Variants in TNKS observed in about 807,000 individuals in gnomAD.
TNKS encodes the protein tankyrase.
A neutral mutation model predicts 135.8 loss-of-function variants in TNKS; 72 were observed. That is an observed-to-expected ratio of 0.53 (90% confidence interval 0.44 to 0.64). The LOEUF is 0.64. TNKS is among the 30% of genes least tolerant of loss of function. The pLI, the probability that TNKS is intolerant of heterozygous loss-of-function variation, is 0.00. For missense variants in TNKS, 1,769 were observed against 1,674.0 expected, an observed-to-expected ratio of 1.06 and a Z score of -0.99; for synonymous variants, 849 against 649.3, an observed-to-expected ratio of 1.31 and a Z score of -4.68.
chr8:9,567,126 CTT>C (rs1407477579), intron 1 of TNKS, among the ~76,000 whole-genome samples: 2 of 152,206 alleles, frequency 1.3e-5, no homozygotes, highest in African/African-American at 2.4e-5. Flanking sequence ...ATAAACGTAA[CTT>C]TACAAATTTT....
At chr8:9,691,945 A>G (rs1803295501) in intron 5 of TNKS, among the ~76,000 whole-genome samples, 1 of 152,168 alleles carries the variant, frequency 6.6e-6, no homozygotes, top group Admixed American at 6.5e-5. Flanking sequence ...CAGCTAATGA[A>G]TTATTGTTGT....
intron 20 of TNKS, among the ~76,000 whole-genome samples, chr8:9,758,067 C>G (rs116011381): frequency 8.7e-4 from 132 of 152,268 alleles, no homozygotes; most frequent in African/African-American, 3.1e-3. Flanking sequence ...CATCTCAGCT[C>G]TTCTGTGTAC....
At chr8:9,772,114 G>T (rs1342183373) in intron 26 of TNKS, among the ~76,000 whole-genome samples, 3 of 147,896 alleles carry the variant, frequency 2.0e-5, no homozygotes, top group African/African-American at 7.5e-5. Context: ...GGAAGGACGG[G>T]TGGAGGGAGG....
intron 12 of TNKS, among the ~76,000 whole-genome samples, chr8:9,724,144 G>C (rs1205915257): frequency 6.6e-6 from 1 of 152,254 alleles, no homozygotes; most frequent in East Asian, 1.9e-4. Context: ...TTGATTCTAG[G>C]TGACTATAAT....
chr8:9,608,130 C>T (rs1264569522), intron 2 of TNKS, among the ~76,000 whole-genome samples: 1 of 151,940 alleles, frequency 6.6e-6, no homozygotes. Context: ...TTGAAAAGTC[C>T]AGGTCTCCCT....
At chr8:9,664,448 G>A (rs1315214474) in intron 3 of TNKS, among the ~76,000 whole-genome samples, 14 of 152,132 alleles carry the variant, frequency 9.2e-5, no homozygotes, top group Admixed American at 9.2e-4. Context: ...CCTCTTACTA[G>A]GTCCCACCTC....
intron 3 of TNKS, among the ~76,000 whole-genome samples, chr8:9,657,300 C>T (rs1171581358): frequency 2.5e-4 from 16 of 63,236 alleles, no homozygotes; most frequent in Non-Finnish European, 3.9e-4. Context: ...GGCGGGGGGC[C>T]GACCCCCCCA....
chr8:9,752,434 G>A lies in TNKS; in HGVS notation c.3071-110G>A, dbSNP rs1806593477. The A allele has an allele frequency of 2.1e-5, 15 of 724,216 alleles. No homozygotes were observed. In the South Asian group the frequency reaches 2.6e-4, roughly 13 times the overall value. The allele number at this position is 724,216 out of a possible 1,614,324, so 44.9% of individuals were successfully genotyped here. ...GTATTCTGTATTATTTTATGCCATG[G>A]AAAATCATCTGACAGCCAAGGTTGT... On this transcript the variant is annotated intron_variant, in intron 19 of 26. Transcript: ENST00000310430.
At chr8:9,590,015 G>T (rs1472791345) in intron 2 of TNKS, among the ~76,000 whole-genome samples, 1 of 152,190 alleles carries the variant, frequency 6.6e-6, no homozygotes, top group Admixed American at 6.5e-5. Flanking sequence ...AGATAAGATT[G>T]CTAAGAATTT....
intron 3 of TNKS, among the ~76,000 whole-genome samples, chr8:9,625,443 T>C (rs890725293): frequency 9.2e-5 from 14 of 152,096 alleles, no homozygotes; most frequent in Admixed American, 6.5e-4. Flanking sequence ...GGGCTCATTT[T>C]GCTCTTTTTC....
At chr8:9,723,803 G>C (rs193041838) in intron 12 of TNKS, among the ~76,000 whole-genome samples, 97 of 152,284 alleles carry the variant, frequency 6.4e-4, no homozygotes, top group African/African-American at 2.2e-3. Context: ...TAGCACCACA[G>C]ACAGTTCTTT....
chr8:9,602,766 T>A (rs1399718879), intron 2 of TNKS, among the ~76,000 whole-genome samples: 1 of 152,246 alleles, frequency 6.6e-6, no homozygotes, highest in Non-Finnish European at 1.5e-5. Context: ...ACCAACTTAA[T>A]AATGTTTCAT....
At position 9,708,484 on chromosome 8, in the gene TNKS, A is replaced by G; in HGVS notation, c.1570A>G (p.Thr524Ala). The part of the protein sequence containing the change: ...INFKQPQSHE[T>A]ALHCAVASLH... ...TTTCAAACAACCGCAGTCTCATGAA[A>G]CAGCACTGGTAAGATTTTATTGTTA... The change falls in exon 9 of 27, where the codon ACA (threonine) becomes GCA (alanine). Residue 524 changes from threonine (T) to alanine (A), a missense_variant. Thr to Ala is a moderately conservative substitution (Grantham distance 58). Coordinates refer to ENST00000310430, the MANE Select transcript of TNKS (RefSeq NM_003747.3). 6.2e-7 allele frequency: 1 copy of G among 1,601,512 alleles called. No homozygotes were observed. Among genetic ancestry groups the G allele is most frequent in the Non-Finnish European group, 8.5e-7 (1 of 1,174,250 alleles).
chr8:9,685,431 G>A (rs1413971084), intron 5 of TNKS, among the ~76,000 whole-genome samples: 1 of 152,086 alleles, frequency 6.6e-6, no homozygotes, highest in African/African-American at 2.4e-5. Flanking sequence ...ACAGTTTGTA[G>A]CACACAGTAA....
intron 1 of TNKS, among the ~76,000 whole-genome samples, chr8:9,567,153 A>T (rs1585174976): frequency 6.6e-6 from 1 of 152,214 alleles, no homozygotes; most frequent in South Asian, 2.1e-4. Context: ...AGTACAGTAA[A>T]AAGTAGGGCA....
In TNKS at chr8:9,705,254, C is replaced by T. The variant is rs1049742803; in HGVS notation, c.1202+497C>T. 7.9e-5 allele frequency among the ~76,000 whole-genome samples: 12 copies of T among 152,194 alleles called. 1 individual carries two copies. The highest frequency in any genetic ancestry group is 2.9e-4 in the African/African-American group (12 of 41,522). ...GTGGTAACTAAAAAAGCAGTTATGT[C>T]ATTTATTTTACCAGTAGGTCATTTT... On this transcript the variant is annotated intron_variant, in intron 6 of 26. Coordinates refer to ENST00000310430, the MANE Select transcript of TNKS (RefSeq NM_003747.3).
At chr8:9,682,877 A>G (rs542522822) in intron 5 of TNKS, among the ~76,000 whole-genome samples, 95 of 152,078 alleles carry the variant, frequency 6.2e-4, no homozygotes, top group African/African-American at 2.1e-3. Context: ...TTTATAATGT[A>G]TAGAACATTT....
chr8:9,686,392 C>G (rs924521589), intron 5 of TNKS, among the ~76,000 whole-genome samples: 1 of 152,194 alleles, frequency 6.6e-6, no homozygotes. Flanking sequence ...GTGACATCAG[C>G]CATCCTAGCA....
intron 3 of TNKS, among the ~76,000 whole-genome samples, chr8:9,651,941 G>C (rs1231542633): frequency 6.6e-6 from 1 of 152,094 alleles, no homozygotes; most frequent in Non-Finnish European, 1.5e-5. Flanking sequence ...TTACACTGCA[G>C]GGTTGGTACA....
Sources: allele counts gnomAD v4.1 joint callset (sites outside exome capture counted in the v4.1 genomes callset), GRCh38; gene constraint gnomAD v4.1.1; transcripts MANE v1.5; gene names NCBI Gene and HGNC (gene_info 2026-07-23, HGNC 2026-07-21).